Variants in RABGEF1 observed in about 807,000 individuals in gnomAD.
RABGEF1 encodes RAB guanine nucleotide exchange factor 1, also known as rab5 GDP/GTP exchange factor.
A neutral mutation model predicts 57.3 loss-of-function variants in RABGEF1; 26 were observed. The ratio of observed to expected loss-of-function variants is 0.45; its 90% CI spans 0.33 to 0.63. The LOEUF is 0.63. Among genes scored for constraint, RABGEF1 ranks in the 20% least tolerant of loss-of-function variants. The pLI is 0.02. For synonymous variants in RABGEF1, 185 were observed against 210.7 expected, an observed-to-expected ratio of 0.88 and a Z score of 1.06; for missense variants, 464 against 607.6, an observed-to-expected ratio of 0.76 and a Z score of 2.48.
At chr7:66,761,047 A>G (rs534080110) in intron 1 of RABGEF1, among the ~76,000 whole-genome samples, 1 of 152,324 alleles carries the variant, frequency 6.6e-6, no homozygotes, top group Admixed American at 6.5e-5. Context: ...TTCAACAAAG[A>G]ATTGAGAACC....
chr7:66,721,610 C>G (rs1332513741), intron 2 of RABGEF1, among the ~76,000 whole-genome samples: 5 of 152,264 alleles, frequency 3.3e-5, no homozygotes, highest in South Asian at 4.1e-4. Flanking sequence ...CCTGCCTCCC[C>G]CCTTATGAGA....
intron 4 of RABGEF1, among the ~76,000 whole-genome samples, chr7:66,787,547 G>A (rs1315870344): frequency 2.6e-5 from 4 of 151,940 alleles, no homozygotes; most frequent in Admixed American, 2.6e-4. Context: ...GTGTTACTCT[G>A]TTAGCCAGGC....
At position 66,757,637 on chromosome 7, in the gene RABGEF1, A is replaced by G. The variant is rs559581059; in HGVS notation, c.-17-14246A>G. Among the ~76,000 whole-genome samples the G allele has an allele frequency of 5.3e-5, 8 of 152,322 alleles. No individual in the cohort carries two copies. In the East Asian group the frequency reaches 1.2e-3, roughly 22 times the overall value. On this transcript the variant is annotated intron_variant, in intron 1 of 8. Coordinates refer to ENST00000284957, the MANE Select transcript of RABGEF1 (RefSeq NM_014504.3). Reference sequence around the variant, plus strand: ...AAAACTTTTTTTCTTTTTGAGATGGAGTCTCGCTCTGCCGCCCAGGCTGGA... The same window carrying G: ...AAAACTTTTTTTCTTTTTGAGATGGGGTCTCGCTCTGCCGCCCAGGCTGGA...
intron 1 of RABGEF1, among the ~76,000 whole-genome samples, chr7:66,762,566 G>A (rs1454618654): frequency 6.6e-6 from 1 of 151,694 alleles, no homozygotes; most frequent in African/African-American, 2.4e-5. Context: ...TCTAGTCTAG[G>A]TGACAGGGTG....
chr7:66,732,464 C>G (rs189129042), intron 2 of RABGEF1, among the ~76,000 whole-genome samples: 2 of 152,098 alleles, frequency 1.3e-5, no homozygotes, highest in African/African-American at 4.8e-5. Flanking sequence ...GGGAGACTTT[C>G]CAGGTGAGAG....
chr7:66,788,269 A>C (rs1215257697), intron 4 of RABGEF1, among the ~76,000 whole-genome samples: 1 of 151,954 alleles, frequency 6.6e-6, no homozygotes, highest in African/African-American at 2.4e-5. Context: ...ATATGGTGAA[A>C]CCCTGTCTCT....
intron 2 of RABGEF1, among the ~76,000 whole-genome samples, chr7:66,719,746 G>A (rs1007602516): frequency 6.6e-6 from 1 of 152,154 alleles, no homozygotes; most frequent in African/African-American, 2.4e-5. Flanking sequence ...ACTATGATTT[G>A]TTTCTGTAGA....
intron 1 of RABGEF1, among the ~76,000 whole-genome samples, chr7:66,703,426 C>G (rs565964560): frequency 5.9e-5 from 9 of 152,246 alleles, no homozygotes; most frequent in Non-Finnish European, 1.2e-4. Context: ...TTTTAGCTCT[C>G]ACAGTTAGGT....
chr7:66,705,142 T>C (rs1042267925), intron 1 of RABGEF1, among the ~76,000 whole-genome samples: 6 of 152,164 alleles, frequency 3.9e-5, no homozygotes, highest in African/African-American at 1.4e-4. Context: ...GGCTCATGCC[T>C]GTAAACCCAA....
At chr7:66,744,807 A>G (rs181315451) in intron 1 of RABGEF1, among the ~76,000 whole-genome samples, 6 of 152,280 alleles carry the variant, frequency 3.9e-5, no homozygotes, top group Admixed American at 2.0e-4. Context: ...CTCAACCCCA[A>G]TTGAGCACAC....
At chr7:66,775,474 T>G in intron 3 of RABGEF1, 81 bp downstream of exon 3, 2 of 1,500,992 alleles carry the variant, frequency 1.3e-6, no homozygotes, top group East Asian at 4.6e-5. Context: ...AGCTCAGCTT[T>G]GTAATTTCTG....
chr7:66,808,908 A>T lies in RABGEF1; in HGVS notation c.1100A>T (p.Glu367Val). Reference sequence around the variant, plus strand: ...TAGTGCTGTGCTGTGGCTTTCATTGAGAAGCTAGACGCCCAGTCTTTGAAT... The same window carrying T: ...TAGTGCTGTGCTGTGGCTTTCATTGTGAAGCTAGACGCCCAGTCTTTGAAT... ...TNLCCAVAFI[E>V]KLDAQSLNLS... Residue 367 changes from glutamate to valine, a missense_variant, in exon 9 of 9, where the codon GAG becomes GTG. By Grantham distance (121) the Glu-to-Val change is moderately radical. Transcript: ENST00000284957. 6.2e-7 allele frequency: 1 copy of T among 1,605,706 alleles called. No homozygotes were observed. The highest frequency in any genetic ancestry group is 8.5e-7 in the Non-Finnish European group (1 of 1,172,978).
At chr7:66,785,645 C>G (rs1408642377) in intron 4 of RABGEF1, among the ~76,000 whole-genome samples, 1 of 152,136 alleles carries the variant, frequency 6.6e-6, no homozygotes, top group African/African-American at 2.4e-5. Context: ...GAGGCCGAGG[C>G]AGGCGGATCA....
chr7:66,741,589 G>A (rs897096058), intron 1 of RABGEF1, among the ~76,000 whole-genome samples: 11 of 152,178 alleles, frequency 7.2e-5, no homozygotes, highest in Non-Finnish European at 1.3e-4. Context: ...TTTTGCCTTT[G>A]AGATTAGGTA....
chr7:66,711,898 TC>T (rs886553098), intron 1 of RABGEF1, among the ~76,000 whole-genome samples: 1 of 152,216 alleles, frequency 6.6e-6, no homozygotes, highest in Non-Finnish European at 1.5e-5. Flanking sequence ...TATACTCTAT[TC>T]TTTTGCATTG....
intron 1 of RABGEF1, among the ~76,000 whole-genome samples, chr7:66,696,953 G>A (rs1199173205): frequency 1.3e-5 from 2 of 152,168 alleles, no homozygotes; most frequent in Non-Finnish European, 2.9e-5. Context: ...TGGGGGATGG[G>A]GAGCAAGATA....
intron 2 of RABGEF1, among the ~76,000 whole-genome samples, chr7:66,724,391 C>T (rs749557513): frequency 1.7e-4 from 26 of 151,370 alleles, no homozygotes; most frequent in Non-Finnish European, 3.4e-4. Flanking sequence ...GACGGAGTCT[C>T]GCTCTGTCAC....
intron 1 of RABGEF1, among the ~76,000 whole-genome samples, chr7:66,755,284 ACT>A (rs752873298): frequency 2.2e-4 from 29 of 131,288 alleles, no homozygotes; most frequent in Non-Finnish European, 3.8e-4. Flanking sequence ...ACAGAGTGAG[ACT>A]CTGTCTCAAA....
At chr7:66,760,852 C>G (rs62466851) in intron 1 of RABGEF1, among the ~76,000 whole-genome samples, 1 of 151,904 alleles carries the variant, frequency 6.6e-6, no homozygotes, top group Non-Finnish European at 1.5e-5. Context: ...TGGTCTTGAA[C>G]GCTTGACTTT....
Sources: allele counts gnomAD v4.1 joint callset (sites outside exome capture counted in the v4.1 genomes callset), GRCh38; gene constraint gnomAD v4.1.1; transcripts MANE v1.5; gene names NCBI Gene and HGNC (gene_info 2026-07-23, HGNC 2026-07-21).